The following ZNF407 variants were observed in gnomAD, a reference collection of about 807,000 sequenced individuals.
The protein encoded by ZNF407 is zinc finger protein 407.
A neutral mutation model predicts 131.2 loss-of-function variants in ZNF407; 17 were observed. The ratio of observed to expected loss-of-function variants is 0.13; its 90% confidence interval spans 0.09 to 0.19. The LOEUF (loss-of-function observed/expected upper bound fraction) is 0.19, where lower values mean the gene tolerates loss of function less well. Among genes scored for constraint, ZNF407 ranks in the 10% least tolerant of loss-of-function variants. ZNF407 has a pLI of 1.00. For missense variants in ZNF407, 2,681 were observed against 2,830.6 expected, an observed-to-expected ratio of 0.95 and a Z score of 1.20; for synonymous variants, 1,156 against 1,062.0, an observed-to-expected ratio of 1.09 and a Z score of -1.72.
At chr18:74,899,584 C>G (rs902344887) in intron 7 of ZNF407, among the ~76,000 whole-genome samples, 26 of 152,180 alleles carry the variant, frequency 1.7e-4, no homozygotes, top group African/African-American at 6.3e-4. Context: ...TAGTTCCATA[C>G]TAATCTATGT....
chr18:74,892,562 G>A (rs1351345673), intron 7 of ZNF407, among the ~76,000 whole-genome samples: 1 of 152,192 alleles, frequency 6.6e-6, no homozygotes, highest in Non-Finnish European at 1.5e-5. Context: ...CTCAACAAGT[G>A]AATGCAGGAG....
intron 3 of ZNF407, among the ~76,000 whole-genome samples, chr18:74,706,813 C>T (rs1277305773): frequency 1.3e-5 from 2 of 152,134 alleles, no homozygotes; most frequent in Admixed American, 1.3e-4. Flanking sequence ...ATCTTCCTGC[C>T]TCATTCTCCG....
At chr18:74,642,680 C>G (rs987778007) in intron 3 of ZNF407, among the ~76,000 whole-genome samples, 1 of 152,106 alleles carries the variant, frequency 6.6e-6, no homozygotes. Flanking sequence ...TGCTCGCTAA[C>G]TGCTTACCTC....
intron 1 of ZNF407, among the ~76,000 whole-genome samples, chr18:74,627,253 G>A (rs766258719): frequency 1.2e-4 from 19 of 152,176 alleles, no homozygotes; most frequent in Admixed American, 4.6e-4. Flanking sequence ...TTTAAGCAAT[G>A]TATTGTCTCG....
chr18:74,849,067 A>T (rs2554109), intron 4 of ZNF407, among the ~76,000 whole-genome samples: 113,146 of 132,274 alleles, frequency 0.86, 48,306 homozygotes, highest in Non-Finnish European at 0.9. Context: ...TTTTTTTTTT[A>T]TTTTTTATTT....
chr18:74,987,127 C>T (rs1394903592), intron 8 of ZNF407, among the ~76,000 whole-genome samples: 1 of 152,084 alleles, frequency 6.6e-6, no homozygotes, highest in Non-Finnish European at 1.5e-5. Context: ...AGCTGATACA[C>T]ATCGCGTGTG....
chr18:74,842,598 T>A lies in ZNF407; in HGVS notation c.4878-34599T>A, dbSNP rs538744055. Among the ~76,000 whole-genome samples, 126 of 17,692 alleles carry A rather than the reference T, an allele frequency of 7.1e-3. 1 individual carries two copies. Among genetic ancestry groups the A allele is most frequent in the South Asian group, 0.027 (5 of 188 alleles). 11.6% of individuals were successfully genotyped at this position (17,692 alleles called of 152,430 possible). A position where few individuals can be genotyped will look rare whatever the true frequency, so the allele number is the denominator to read the frequency against. ...TTTGACCCTGGAAGTTTTTCCCTAG[T>A]GATGTGTGTGTGTGTGTGTGTGTGT... On this transcript the variant is annotated intron_variant, in intron 4 of 8. Coordinates refer to ENST00000299687, the MANE Select transcript of ZNF407 (RefSeq NM_017757.3).
At chr18:74,698,245 T>C (rs1967406404) in intron 3 of ZNF407, among the ~76,000 whole-genome samples, 1 of 152,240 alleles carries the variant, frequency 6.6e-6, no homozygotes, top group Non-Finnish European at 1.5e-5. Context: ...CTTCTGCAGT[T>C]AAGAAAATAT....
intron 3 of ZNF407, among the ~76,000 whole-genome samples, chr18:74,727,442 A>G (rs888840506): frequency 2.0e-5 from 3 of 152,118 alleles, no homozygotes; most frequent in Non-Finnish European, 4.4e-5. Context: ...TGAAGATTAT[A>G]TATCGTTTGC....
chr18:74,916,477 T>G (rs1401364013), intron 7 of ZNF407, among the ~76,000 whole-genome samples: 2 of 86,008 alleles, frequency 2.3e-5, no homozygotes, highest in Admixed American at 1.3e-4. Context: ...TGGTTCGAAT[T>G]GGGAGTGTGT....
At chr18:74,780,859 A>G (rs1156544679) in intron 3 of ZNF407, among the ~76,000 whole-genome samples, 1 of 152,176 alleles carries the variant, frequency 6.6e-6, no homozygotes, top group Non-Finnish European at 1.5e-5. Flanking sequence ...ATAAGATAGT[A>G]TGTCAGGTAA....
chr18:74,983,822 A>C (rs976522507), intron 8 of ZNF407, among the ~76,000 whole-genome samples: 1 of 152,198 alleles, frequency 6.6e-6, no homozygotes. Context: ...AAGAGGAGAA[A>C]GGAGTCCCAC....
At chr18:74,676,707 T>G (rs189856849) in intron 3 of ZNF407, among the ~76,000 whole-genome samples, 48 of 152,312 alleles carry the variant, frequency 3.2e-4, no homozygotes, top group South Asian at 1.9e-3. Flanking sequence ...ATGCTGGGAT[T>G]ACAGACGTGA....
At chr18:74,792,535 A>C (rs1052933010) in intron 4 of ZNF407, among the ~76,000 whole-genome samples, 37 of 151,180 alleles carry the variant, frequency 2.4e-4, no homozygotes, top group African/African-American at 8.5e-4. Flanking sequence ...TTGCCTTTTA[A>C]AAAATTATAT....
chr18:75,023,367 A>G (rs1336993486), intron 8 of ZNF407, among the ~76,000 whole-genome samples: 6 of 152,182 alleles, frequency 3.9e-5, no homozygotes, highest in Non-Finnish European at 8.8e-5. Flanking sequence ...GCTACCATTA[A>G]TTGTAATTAA....
intron 8 of ZNF407, among the ~76,000 whole-genome samples, chr18:75,023,650 C>T (rs1973138051): frequency 6.6e-6 from 1 of 152,284 alleles, no homozygotes; most frequent in Non-Finnish European, 1.5e-5. Flanking sequence ...GGCAGGAAGT[C>T]AGCTTTCTCT....
chr18:74,632,289 G>A lies in ZNF407; in HGVS notation c.1270G>A (p.Gly424Ser). Residue 424 changes from glycine to serine, a missense_variant, in exon 2 of 9, where the codon GGT becomes AGT. Around this residue, in one of 6 missense-constraint regions of ZNF407, gnomAD observed 1,789 missense variants for 1,748.7 expected, o/e 1.02. Transcript: ENST00000299687. ...ACCTGAGCGAAATATTCTCGTGTTG[G>A]GTAATAGCTTTCGTCGACGAAGCAG... ...PRPERNILVL[G>S]NSFRRRSSTF... The A allele has an allele frequency of 6.2e-7, 1 of 1,613,952 alleles. No homozygotes were observed. The highest frequency in any genetic ancestry group is 8.5e-7 in the Non-Finnish European group (1 of 1,179,898).
chr18:74,765,459 T>G (rs1164259916), intron 3 of ZNF407, among the ~76,000 whole-genome samples: 1 of 152,262 alleles, frequency 6.6e-6, no homozygotes, highest in Non-Finnish European at 1.5e-5. Flanking sequence ...TTTTTTGCTT[T>G]GCTTTTAAGC....
chr18:74,653,306 C>T (rs949192735), intron 3 of ZNF407, among the ~76,000 whole-genome samples: 1 of 151,674 alleles, frequency 6.6e-6, no homozygotes, highest in African/African-American at 2.4e-5. Context: ...TTTATTTAAG[C>T]GTCATATTCT....
Sources: allele counts gnomAD v4.1 joint callset (sites outside exome capture counted in the v4.1 genomes callset), GRCh38; gene constraint gnomAD v4.1.1; regional missense constraint gnomAD v4.1.1; transcripts MANE v1.5; gene names NCBI Gene and HGNC (gene_info 2026-07-23, HGNC 2026-07-21).